CIT: variants seen among roughly 807,000 people sequenced by gnomAD.
CIT encodes citron Rho-interacting kinase.
Under a neutral mutation model 272.7 loss-of-function variants are expected in CIT, and 79 were observed. That is an observed-to-expected ratio of 0.29 (90% confidence interval 0.24 to 0.35). The LOEUF (loss-of-function observed/expected upper bound fraction) is 0.35, where lower values mean the gene tolerates loss of function less well. CIT is among the 10% of genes least tolerant of loss of function. The pLI is 1.00. For synonymous variants in CIT, 948 were observed against 995.6 expected, an observed-to-expected ratio of 0.95 and a Z score of 0.90; for missense variants, 1,909 against 2,618.3, an observed-to-expected ratio of 0.73 and a Z score of 5.91.
At chr12:119,747,420 C>CA (rs748085699) in intron 23 of CIT, among the ~76,000 whole-genome samples, 1,057 of 92,804 alleles carry the variant, frequency 0.011, 7 homozygotes, top group Middle Eastern at 0.037. Context: ...GACTCCATCT[C>CA]AAAAAAAAAA....
rs1174721874 is a variant in CIT, at chr12:119,688,200, C to G, written c.*32G>C. 1 of 1,607,788 alleles carries G rather than the reference C, an allele frequency of 6.2e-7. No individual in the cohort carries two copies. Among genetic ancestry groups the G allele is most frequent in the Non-Finnish European group, 8.5e-7 (1 of 1,174,244 alleles). Reference sequence around the variant, plus strand: ...GTGTGTTTGGTGTTTTCCTGCAGATCAAGATGAGGAGTTGGTTTTTCTGGC... The same window carrying G: ...GTGTGTTTGGTGTTTTCCTGCAGATGAAGATGAGGAGTTGGTTTTTCTGGC... On this transcript the variant is annotated 3_prime_UTR_variant, in exon 48 of 48. Transcript: ENST00000392521.
intron 43 of CIT, chr12:119,701,034 A>C: frequency 3.3e-6 from 1 of 304,778 alleles, no homozygotes; most frequent in East Asian, 5.5e-5. Flanking sequence ...TAATTTATTA[A>C]ATTTTATTAA....
At chr12:119,861,463 T>C (rs1404904336) in intron 3 of CIT, among the ~76,000 whole-genome samples, 1 of 151,958 alleles carries the variant, frequency 6.6e-6, no homozygotes, top group East Asian at 1.9e-4. Flanking sequence ...GGCGCATGCC[T>C]GCAATGCCAG....
In CIT at chr12:119,713,663, T is replaced by C; in HGVS notation, c.4307-15A>G. On this transcript the variant is annotated splice_polypyrimidine_tract_variant and intron_variant, in intron 33 of 47. Coordinates refer to ENST00000392521, the MANE Select transcript of CIT (RefSeq NM_001206999.2). This position sits in a 1 kb window ranked among gnomAD's most constrained non-coding sequence, Gnocchi z 5.2. ...CACCTGACATTCTAGGGAAGAACAG[T>C]GAGCAACCTGAGGGCATGCTCAGCT... The C allele has an allele frequency of 6.2e-7, 1 of 1,614,048 alleles. No homozygotes were observed. Among genetic ancestry groups the C allele is most frequent in the Middle Eastern group, 1.6e-4 (1 of 6,062 alleles).
At chr12:119,813,954 T>G (rs906593601) in intron 9 of CIT, among the ~76,000 whole-genome samples, 2 of 152,084 alleles carry the variant, frequency 1.3e-5, no homozygotes, top group Non-Finnish European at 2.9e-5. Context: ...CTTGTAACTG[T>G]TTATATTCTC....
chr12:119,697,078 C>G lies in CIT; in HGVS notation c.5882+581G>C, dbSNP rs1381427085. ...TGGCCAGGAGTCCCTGACCTGCTCTCACGACCTCACATCTCTGGACCTCCA... is the reference window on the plus strand; with the variant it reads ...TGGCCAGGAGTCCCTGACCTGCTCTGACGACCTCACATCTCTGGACCTCCA... On this transcript the variant is annotated intron_variant, in intron 46 of 47. Coordinates refer to ENST00000392521, the MANE Select transcript of CIT (RefSeq NM_001206999.2). This position sits in a 1 kb window ranked among gnomAD's most constrained non-coding sequence, Gnocchi z 4.9. Among the ~76,000 whole-genome samples the G allele has an allele frequency of 6.6e-6, 1 of 152,182 alleles. No individual in the cohort carries two copies. The highest frequency in any genetic ancestry group is 1.5e-5 in the Non-Finnish European group (1 of 68,038).
At chr12:119,825,731 ACT>A (rs1968110775) in intron 7 of CIT, among the ~76,000 whole-genome samples, 1 of 152,124 alleles carries the variant, frequency 6.6e-6, no homozygotes, top group Non-Finnish European at 1.5e-5. Flanking sequence ...ATGATAATAA[ACT>A]CTAAAAATGA....
At position 119,770,917 on chromosome 12, in the gene CIT, A is replaced by G. The variant is rs769051242; in HGVS notation, c.2083-7T>C. On this transcript the variant is annotated splice_polypyrimidine_tract_variant and splice_region_variant and intron_variant, in intron 17 of 47. Coordinates refer to ENST00000392521, the MANE Select transcript of CIT (RefSeq NM_001206999.2). This position sits in a 1 kb window ranked among gnomAD's most constrained non-coding sequence, Gnocchi z 4.4. Reference sequence around the variant, plus strand: ...CCAGAGAATGGCGGCGTTCCTGTAGATCATGAATCAATCAGAGAGTTTTAA... The same window carrying G: ...CCAGAGAATGGCGGCGTTCCTGTAGGTCATGAATCAATCAGAGAGTTTTAA... 19 of 1,612,436 alleles carry G rather than the reference A, an allele frequency of 1.2e-5. No individual in the cohort carries two copies. In the Admixed American group the frequency reaches 1.7e-4, roughly 14 times the overall value.
chr12:119,851,065 C>T (rs867705996), intron 4 of CIT, among the ~76,000 whole-genome samples: 4 of 152,132 alleles, frequency 2.6e-5, no homozygotes, highest in African/African-American at 4.8e-5. Context: ...ACTGGGGGCA[C>T]GGGTGTGAAC....
At chr12:119,743,419 C>T (rs952764394) in intron 23 of CIT, among the ~76,000 whole-genome samples, 17 of 152,096 alleles carry the variant, frequency 1.1e-4, no homozygotes, top group African/African-American at 3.1e-4. Flanking sequence ...GGGTCTGGTG[C>T]ATTTGATGAA....
chr12:119,727,614 T>C (rs1958182270), intron 28 of CIT, among the ~76,000 whole-genome samples: 1 of 152,076 alleles, frequency 6.6e-6, no homozygotes, highest in African/African-American at 2.4e-5. Flanking sequence ...AATAAAAAAA[T>C]CTTTTAAAGA....
intron 26 of CIT, among the ~76,000 whole-genome samples, chr12:119,731,585 C>T (rs190212011): frequency 6.6e-6 from 1 of 151,076 alleles, no homozygotes; most frequent in Admixed American, 6.6e-5. Flanking sequence ...AAAAAAAAAT[C>T]ACTTCCCTTT....
chr12:119,739,836 G>A (rs1020567561), intron 24 of CIT, among the ~76,000 whole-genome samples: 4 of 152,114 alleles, frequency 2.6e-5, no homozygotes, highest in East Asian at 3.8e-4. Context: ...ATGTGGATAC[G>A]TGGTATACTG....
intron 8 of CIT, 126 bp from the exon 9 acceptor site, chr12:119,823,099 C>T (rs1967864191): frequency 6.4e-6 from 6 of 932,750 alleles, no homozygotes; most frequent in Non-Finnish European, 7.8e-6. Flanking sequence ...AAGGAAGTTT[C>T]GTGCCCTCTT....
chr12:119,865,792 C>G (rs975970375), intron 3 of CIT, among the ~76,000 whole-genome samples: 19 of 149,804 alleles, frequency 1.3e-4, no homozygotes, highest in Non-Finnish European at 2.9e-5. Context: ...ATCACTTGAA[C>G]CCGGGATGCG....
At chr12:119,774,382 G>A (rs544087617) in intron 16 of CIT, among the ~76,000 whole-genome samples, 1 of 152,162 alleles carries the variant, frequency 6.6e-6, no homozygotes, top group South Asian at 2.1e-4. Flanking sequence ...CATTCTCAAT[G>A]CCAAAGGTAC....
intron 3 of CIT, among the ~76,000 whole-genome samples, chr12:119,866,566 C>A (rs1045717078): frequency 2.6e-5 from 4 of 152,130 alleles, no homozygotes; most frequent in African/African-American, 9.7e-5. Context: ...TGCCTGTAAT[C>A]CAAGCATTTT....
intron 46 of CIT, among the ~76,000 whole-genome samples, chr12:119,693,687 A>C (rs1464944150): frequency 1.3e-5 from 2 of 152,268 alleles, no homozygotes; most frequent in Non-Finnish European, 2.9e-5. Context: ...GCCAAGAGTT[A>C]GGAGCATTTA....
intron 9 of CIT, among the ~76,000 whole-genome samples, chr12:119,806,391 G>C (rs1488369433): frequency 1.3e-5 from 2 of 152,132 alleles, no homozygotes; most frequent in Non-Finnish European, 2.9e-5. Flanking sequence ...AAAGTGATGA[G>C]ATGTTTACCC....
Sources: allele counts gnomAD v4.1 joint callset (sites outside exome capture counted in the v4.1 genomes callset), GRCh38; gene constraint gnomAD v4.1.1; non-coding constraint Gnocchi (gnomAD v3.1); transcripts MANE v1.5; gene names NCBI Gene and HGNC (gene_info 2026-07-23, HGNC 2026-07-21).